The following PTPRD variants were observed in gnomAD, a reference collection of about 807,000 sequenced individuals.
PTPRD encodes the protein receptor-type tyrosine-protein phosphatase delta.
PTPRD carries 34 observed loss-of-function variants against 214.5 expected under a neutral mutation model. The ratio of observed to expected loss-of-function variants is 0.16; its 90% confidence interval spans 0.12 to 0.21. PTPRD has a LOEUF of 0.21. Among genes scored for constraint, PTPRD ranks in the 10% least tolerant of loss-of-function variants. The probability of loss-of-function intolerance (pLI) is 1.00; values close to 1 mark genes in which losing one functional copy is unlikely to be tolerated. For missense variants in PTPRD, 2,545 were observed against 2,398.7 expected, an observed-to-expected ratio of 1.06 and a Z score of -1.27; for synonymous variants, 1,128 against 845.7, an observed-to-expected ratio of 1.33 and a Z score of -5.79.
At chr9:10,431,737 T>C (rs1379148766) in intron 2 of PTPRD, among the ~76,000 whole-genome samples, 2 of 152,042 alleles carry the variant, frequency 1.3e-5, no homozygotes, top group South Asian at 2.1e-4. Context: ...CACAATGAGA[T>C]ACCATCTCAC....
At position 9,672,340 on chromosome 9, in the gene PTPRD, A is replaced by G. The variant is rs548764803; in HGVS notation, c.-287+62193T>C. ...AATAAAAATAAATTACCTATATAGC[A>G]GAATGGCTATAATGATATTATTATC... On this transcript the variant is annotated intron_variant, in intron 7 of 45. Coordinates refer to ENST00000381196, the MANE Select transcript of PTPRD (RefSeq NM_002839.4). Among the ~76,000 whole-genome samples the G allele has an allele frequency of 3.0e-3, 456 of 152,290 alleles. 2 individuals are homozygous for G. Among genetic ancestry groups the G allele is most frequent in the African/African-American group, 0.01 (431 of 41,570 alleles).
At chr9:9,095,596 T>C (rs988567250) in intron 10 of PTPRD, among the ~76,000 whole-genome samples, 27 of 152,104 alleles carry the variant, frequency 1.8e-4, no homozygotes, top group African/African-American at 5.3e-4. Flanking sequence ...ACCCAAAGTG[T>C]TGGAATTATA....
At chr9:10,444,364 T>A (rs893145878) in intron 2 of PTPRD, among the ~76,000 whole-genome samples, 1 of 151,784 alleles carries the variant, frequency 6.6e-6, no homozygotes, top group Non-Finnish European at 1.5e-5. Context: ...AATGCATAGC[T>A]CCATAGTGGT....
chr9:9,099,032 C>G (rs932239548), intron 10 of PTPRD, among the ~76,000 whole-genome samples: 1 of 152,094 alleles, frequency 6.6e-6, no homozygotes. Context: ...CTTGGAAACA[C>G]AATATTGATT....
chr9:9,275,199 T>TATATATATATA (rs1491465404), intron 9 of PTPRD, among the ~76,000 whole-genome samples: 21 of 10,396 alleles, frequency 2.0e-3, no homozygotes, highest in African/African-American at 5.1e-3. Flanking sequence ...TATATATATA[T>TATATATATATA]TATATATATA....
At chr9:10,121,176 T>A (rs1179624122) in intron 3 of PTPRD, among the ~76,000 whole-genome samples, 1 of 152,148 alleles carries the variant, frequency 6.6e-6, no homozygotes, top group Non-Finnish European at 1.5e-5. Flanking sequence ...CAGAGATAAT[T>A]TAATCCAATC....
chr9:9,007,730 C>T (rs72692827), intron 11 of PTPRD, among the ~76,000 whole-genome samples: 41,582 of 135,510 alleles, frequency 0.31, 7,464 homozygotes, highest in Middle Eastern at 0.42. Flanking sequence ...TACTTGGATC[C>T]TTTTTTTTTT....
intron 7 of PTPRD, among the ~76,000 whole-genome samples, chr9:9,576,100 C>A (rs1216755552): frequency 6.6e-6 from 1 of 152,034 alleles, no homozygotes; most frequent in Non-Finnish European, 1.5e-5. Flanking sequence ...TATGTCAATT[C>A]TTTAATTGTT....
chr9:9,312,772 C>T (rs1056300681), intron 9 of PTPRD, among the ~76,000 whole-genome samples: 2 of 152,090 alleles, frequency 1.3e-5, no homozygotes, highest in Admixed American at 1.3e-4. Context: ...AAATTATTGT[C>T]AAATAATTCA....
At chr9:10,284,702 A>G (rs2095281538) in intron 3 of PTPRD, among the ~76,000 whole-genome samples, 2 of 152,142 alleles carry the variant, frequency 1.3e-5, no homozygotes. Flanking sequence ...GGGTCTTCCA[A>G]GCTCATTTGG....
intron 2 of PTPRD, among the ~76,000 whole-genome samples, chr9:10,599,855 G>C (rs149742959): frequency 9.6e-4 from 145 of 151,816 alleles, no homozygotes; most frequent in African/African-American, 3.5e-3. Context: ...ACGCTTCCCA[G>C]TTATTTCAAT....
chr9:8,944,513 G>A (rs2154297388), intron 11 of PTPRD, among the ~76,000 whole-genome samples: 2 of 152,054 alleles, frequency 1.3e-5, no homozygotes, highest in Admixed American at 6.6e-5. Context: ...CGTGTCCATC[G>A]ACAGATGAAT....
At chr9:8,632,828 A>T (rs961619918) in intron 14 of PTPRD, among the ~76,000 whole-genome samples, 41 of 151,730 alleles carry the variant, frequency 2.7e-4, no homozygotes, top group Admixed American at 4.6e-4. Flanking sequence ...TAAAAAATGT[A>T]TTTTTTTTCA....
chr9:9,041,229 T>C (rs574109408), intron 10 of PTPRD, among the ~76,000 whole-genome samples: 58 of 152,306 alleles, frequency 3.8e-4, no homozygotes, highest in African/African-American at 1.3e-3. Context: ...ACTTTTATTT[T>C]AAGCTCAGGG....
At chr9:9,331,696 A>G (rs1272733699) in intron 9 of PTPRD, among the ~76,000 whole-genome samples, 3 of 152,086 alleles carry the variant, frequency 2.0e-5, no homozygotes, top group Admixed American at 1.3e-4. Context: ...TTTACAGAAT[A>G]GAAGTCTCTT....
chr9:8,920,215 C>G (rs985459528), intron 11 of PTPRD, among the ~76,000 whole-genome samples: 1 of 151,910 alleles, frequency 6.6e-6, no homozygotes, highest in African/African-American at 2.4e-5. Flanking sequence ...GTGGCAAACA[C>G]CTGTAGTCCT....
chr9:9,823,478 A>G (rs1367886380), intron 5 of PTPRD, among the ~76,000 whole-genome samples: 1 of 152,130 alleles, frequency 6.6e-6, no homozygotes, highest in East Asian at 1.9e-4. Context: ...GGGGATTACA[A>G]TTGAACATGA....
chr9:9,953,206 A>G (rs377711351), intron 4 of PTPRD, among the ~76,000 whole-genome samples: 2 of 152,142 alleles, frequency 1.3e-5, no homozygotes, highest in African/African-American at 2.4e-5. Context: ...ATTATCCTGG[A>G]TATTTCTGCA....
At position 9,108,828 on chromosome 9, in the gene PTPRD, C is replaced by T. The variant is rs543281959; in HGVS notation, c.-143+74476G>A. Among the ~76,000 whole-genome samples the T allele has an allele frequency of 1.1e-4, 16 of 152,306 alleles. No homozygotes were observed. The East Asian group carries it at 3.1e-3, about 29-fold the overall frequency. On this transcript the variant is annotated intron_variant, in intron 10 of 45. Transcript: ENST00000381196. ...AACTGCTGAGGCCCTCTGGCACCAA[C>T]TCCACTCAGTCTGGTCGGGGGAGCA...
Sources: gnomAD v4.1 joint callset for allele counts (sites outside exome capture counted in the v4.1 genomes callset) on GRCh38, gnomAD v4.1.1 for gene constraint, MANE v1.5 for transcripts, NCBI Gene and HGNC (gene_info 2026-07-23, HGNC 2026-07-21) for gene names.